DAB1: variants seen among roughly 807,000 people sequenced by gnomAD.
DAB1 encodes the protein DAB adaptor protein 1, also known as disabled homolog 1.
In DAB1, 15 loss-of-function variants were observed where a neutral mutation model predicts 64.6. The observed-to-expected ratio is 0.23, with a 90% CI of 0.16 to 0.36. The LOEUF (loss-of-function observed/expected upper bound fraction) is 0.36. Among genes scored for constraint, DAB1 ranks in the 10% least tolerant of loss-of-function variants. DAB1 has a pLI of 1.00. For synonymous variants in DAB1, 235 were observed against 251.9 expected (o/e 0.93, Z 0.64); for missense variants, 596 against 706.7 (o/e 0.84, Z 1.78).
intron 1 of DAB1, among the ~76,000 whole-genome samples, chr1:57,367,713 G>A (rs977203004): frequency 6.6e-6 from 1 of 152,148 alleles, no homozygotes; most frequent in Non-Finnish European, 1.5e-5. Flanking sequence ...CAGGAGCTGG[G>A]GACAAGTGGG....
intron 4 of DAB1, among the ~76,000 whole-genome samples, chr1:57,077,632 A>G (rs1416540522): frequency 6.6e-6 from 1 of 152,204 alleles, no homozygotes; most frequent in Non-Finnish European, 1.5e-5. Flanking sequence ...TGAGCCATTT[A>G]CCAGTGTTTA....
intron 6 of DAB1, among the ~76,000 whole-genome samples, chr1:57,819,571 G>A (rs894394444): frequency 6.0e-4 from 91 of 152,336 alleles, no homozygotes; most frequent in African/African-American, 2.1e-3. Flanking sequence ...AACAAGTTAA[G>A]AGAGAGCTTT....
intron 6 of DAB1, among the ~76,000 whole-genome samples, chr1:57,775,829 G>A (rs1422590128): frequency 6.6e-6 from 1 of 151,398 alleles, no homozygotes; most frequent in East Asian, 1.9e-4. Context: ...CGGTAATCTT[G>A]TTATTTTTCC....
Position 58,342,640 on chromosome 1 carries a change from C to A in DAB1, n.309+712G>T, listed in dbSNP as rs376955189. 3.9e-5 allele frequency among the ~76,000 whole-genome samples: 6 copies of A among 152,254 alleles called. No individual in the cohort carries two copies. In the East Asian group the frequency reaches 1.2e-3, roughly 29 times the overall value. Reference sequence around the variant, plus strand: ...AATGTACCAAAGCTGAATTCAACATCTTTTGGCTCTCAATTTCATTGTTTC... The same window carrying A: ...AATGTACCAAAGCTGAATTCAACATATTTTGGCTCTCAATTTCATTGTTTC... On this transcript the variant is annotated intron_variant and non_coding_transcript_variant, in intron 4 of 20. Transcript: ENST00000485760.
intron 5 of DAB1, among the ~76,000 whole-genome samples, chr1:58,023,573 T>C (rs996210702): frequency 6.6e-6 from 1 of 152,194 alleles, no homozygotes; most frequent in African/African-American, 2.4e-5. Context: ...GGTTTGTCTC[T>C]GCAAGTCTAG....
intron 1 of DAB1, among the ~76,000 whole-genome samples, chr1:57,390,887 C>T (rs1048581726): frequency 2.6e-5 from 4 of 152,182 alleles, no homozygotes; most frequent in Non-Finnish European, 2.9e-5. Context: ...ACCCAAATTC[C>T]TAGCTGTCCT....
rs529611369 is a variant in DAB1 at position 57,544,700 on chromosome 1, T to A, written n.625+104892A>T. Among the ~76,000 whole-genome samples the A allele has an allele frequency of 2.6e-5, 4 of 152,308 alleles. No individual in the cohort carries two copies. The South Asian group carries it at 8.3e-4, about 32-fold the overall frequency. On this transcript the variant is annotated intron_variant and non_coding_transcript_variant, in intron 7 of 20. Transcript: ENST00000485760. ...AGGGACCCAGTGGGGGGTAATAGAA[T>A]CATGGCAGTGGTTACCCCCATGCTG...
chr1:58,215,694 C>G (rs994939864), intron 4 of DAB1, among the ~76,000 whole-genome samples: 1 of 152,124 alleles, frequency 6.6e-6, no homozygotes, highest in Non-Finnish European at 1.5e-5. Context: ...AGTTCAAGTT[C>G]TTTGGAAGGA....
In DAB1 at chr1:58,048,704, C is replaced by T. The variant is rs191222202; in HGVS notation, n.387+101807G>A. The T allele has an allele frequency of 4.2e-5, 55 of 1,325,296 alleles. No individual in the cohort carries two copies. In the African/African-American group the frequency reaches 7.5e-4, roughly 18 times the overall value. The allele number at this position is 1,325,296 out of a possible 1,614,324, so 82.1% of individuals were successfully genotyped here. On this transcript the variant is annotated intron_variant and non_coding_transcript_variant, in intron 5 of 20. Coordinates refer to the DAB1 transcript ENST00000485760. ...ACCACCACCAAAGTTTCCAGAACCA[C>T]TTCACCTCTTTGGCTGGATGAAACA...
chr1:57,110,694 A>C (rs1263669262), intron 4 of DAB1, among the ~76,000 whole-genome samples: 1 of 152,216 alleles, frequency 6.6e-6, no homozygotes, highest in Non-Finnish European at 1.5e-5. Context: ...TTCGTGAGGC[A>C]CACAGTAACC....
rs552435296 is a variant in DAB1, at chr1:58,319,721, G to A, written n.309+23631C>T. ...CTCACATACTTCATTAGAACAAACT[G>A]AGCACAGTGGCCAAGGTCTCTTTGT... On this transcript the variant is annotated intron_variant and non_coding_transcript_variant, in intron 4 of 20. Coordinates refer to the DAB1 transcript ENST00000485760. 7.2e-5 allele frequency among the ~76,000 whole-genome samples: 11 copies of A among 152,322 alleles called. No individual in the cohort carries two copies. The South Asian group carries it at 2.3e-3, about 32-fold the overall frequency.
intron 5 of DAB1, among the ~76,000 whole-genome samples, chr1:58,005,886 G>C (rs1646575511): frequency 6.6e-6 from 1 of 152,062 alleles, no homozygotes; most frequent in Non-Finnish European, 1.5e-5. Flanking sequence ...TACAATTATT[G>C]TTCCTCCTTT....
At chr1:58,386,648 A>G (rs890370888) in intron 3 of DAB1, among the ~76,000 whole-genome samples, 13 of 152,178 alleles carry the variant, frequency 8.5e-5, no homozygotes, top group Admixed American at 6.5e-5. Flanking sequence ...TTTGAACCTC[A>G]GTTTCCGCTT....
At chr1:58,074,547 C>CAA (rs1255233127) in intron 5 of DAB1, 1 of 72,790 alleles carries the variant, frequency 1.4e-5, no homozygotes, top group African/African-American at 6.2e-5. Context: ...TATATATACA[C>CAA]ACATATATAT....
intron 5 of DAB1, among the ~76,000 whole-genome samples, chr1:57,985,287 T>C (rs1291127238): frequency 6.6e-6 from 1 of 152,200 alleles, no homozygotes; most frequent in Non-Finnish European, 1.5e-5. Flanking sequence ...TATTACAATT[T>C]TTCTATGTAC....
At chr1:57,187,062 A>G (rs373206536) in intron 2 of DAB1, among the ~76,000 whole-genome samples, 307 of 152,354 alleles carry the variant, frequency 2.0e-3, no homozygotes, top group Middle Eastern at 0.01. Context: ...TCTGCTTTTT[A>G]AAGTAGTACT....
intron 5 of DAB1, among the ~76,000 whole-genome samples, chr1:57,923,079 G>C (rs934726107): frequency 2.0e-5 from 3 of 151,344 alleles, no homozygotes; most frequent in African/African-American, 7.3e-5. Flanking sequence ...GGAGACTCAG[G>C]TTGAAACCCT....
chr1:57,167,931 A>G (rs77537016), intron 2 of DAB1, among the ~76,000 whole-genome samples: 5,198 of 152,312 alleles, frequency 0.034, 296 homozygotes, highest in African/African-American at 0.12. Flanking sequence ...TGTCCAGTGA[A>G]TGAAGGTCAC....
chr1:57,280,634 T>C (rs1671813623), intron 2 of DAB1, among the ~76,000 whole-genome samples: 1 of 152,158 alleles, frequency 6.6e-6, no homozygotes, highest in African/African-American at 2.4e-5. Flanking sequence ...AATGAAGCAG[T>C]GGGATGAACT....
Sources: allele counts gnomAD v4.1 joint callset (sites outside exome capture counted in the v4.1 genomes callset), GRCh38; gene constraint gnomAD v4.1.1; transcripts MANE v1.5; gene names NCBI Gene and HGNC (gene_info 2026-07-23, HGNC 2026-07-21).